The following TXLNG variants were observed in gnomAD, a reference collection of about 807,000 sequenced individuals.
The protein encoded by TXLNG is taxilin gamma.
A neutral mutation model predicts 38.8 loss-of-function variants in TXLNG; 5 were observed. The ratio of observed to expected loss-of-function variants is 0.13; its 90% confidence interval spans 0.07 to 0.27. The LOEUF is 0.27. TXLNG is among the 10% of genes least tolerant of loss of function. The pLI is 1.00. For missense variants in TXLNG, 393 were observed against 398.2 expected (o/e 0.99, Z 0.11); for synonymous variants, 182 against 158.2 (o/e 1.15, Z -1.13).
intron 1 of TXLNG, among the ~76,000 whole-genome samples, chrX:16,790,312 C>A (rs1356145680): frequency 9.0e-6 from 1 of 111,352 alleles, no homozygotes; most frequent in Non-Finnish European, 1.9e-5. Context: ...ATCCCTTGTG[C>A]TCTACCTATT....
intron 1 of TXLNG, among the ~76,000 whole-genome samples, chrX:16,804,627 G>T (rs1427043183): frequency 9.1e-6 from 1 of 109,998 alleles, no homozygotes; most frequent in African/African-American, 3.3e-5. Context: ...TGTATATTGG[G>T]CATTTTTAGT....
chrX:16,833,760 C>CTTTTG (rs1929497725), intron 6 of TXLNG, among the ~76,000 whole-genome samples: 1 of 111,681 alleles, frequency 9.0e-6, no homozygotes, highest in African/African-American at 3.3e-5. Context: ...GCCTACTATG[C>CTTTTG]AACTTTGTGA....
At chrX:16,840,720 T>A (rs1455012649) in intron 9 of TXLNG, among the ~76,000 whole-genome samples, 1 of 110,098 alleles carries the variant, frequency 9.1e-6, no homozygotes, top group African/African-American at 3.3e-5. Context: ...TGCAGTGAGC[T>A]GAGATTGCAC....
chrX:16,814,842 C>T (rs1416349166), intron 1 of TXLNG, among the ~76,000 whole-genome samples: 2 of 111,742 alleles, frequency 1.8e-5, no homozygotes, highest in Non-Finnish European at 3.8e-5. Context: ...TTTGTGAATG[C>T]AGTAAAATTA....
intron 1 of TXLNG, among the ~76,000 whole-genome samples, chrX:16,809,345 GT>G (rs56062713): frequency 9.3e-4 from 69 of 74,441 alleles, no homozygotes; most frequent in Non-Finnish European, 1.2e-3. Context: ...TCTTATAGTT[GT>G]TTTTTTTTTT....
rs770264905 is a variant in TXLNG, at chrX:16,841,527, G to C, written c.1348G>C (p.Glu450Gln). 1 of 1,212,002 alleles carries C rather than the reference G, an allele frequency of 8.3e-7. No individual in the cohort carries two copies. The highest frequency in any genetic ancestry group is 1.8e-5 in the South Asian group (1 of 57,007). Residue 450 changes from glutamate (E) to glutamine (Q), a missense_variant, in exon 10 of 10, where the codon GAG becomes CAG. Physicochemically the swap from Glu to Gln is conservative, Grantham distance 29. Transcript: ENST00000380122. The part of the protein sequence containing the change: ...ALQTERNELN[E>Q]KVEVLKEQVS... ...TCAGACAGAAAGGAATGAGCTCAAT[G>C]AGAAGGTGGAAGTCCTGAAAGAGCA...
At chrX:16,825,631 T>TA (rs764620291) in intron 3 of TXLNG, among the ~76,000 whole-genome samples, 44 of 112,321 alleles carry the variant, frequency 3.9e-4, no homozygotes, top group Non-Finnish European at 6.6e-4. Flanking sequence ...GTTTATTTTT[T>TA]AGAGACAGGT....
chrX:16,819,063 G>A (rs189624513), intron 2 of TXLNG, among the ~76,000 whole-genome samples, 186 bp downstream of exon 2: 26 of 109,859 alleles, frequency 2.4e-4, no homozygotes, highest in African/African-American at 8.6e-4. Context: ...CAGAGAGGAC[G>A]CTTAGTTTTT....
At position 16,826,199 on chromosome X, in the gene TXLNG, G is replaced by A. The variant is rs192826223; in HGVS notation, c.499-1895G>A. Among the ~76,000 whole-genome samples the A allele has an allele frequency of 1.7e-3, 185 of 111,857 alleles. 1 individual carries two copies. Among genetic ancestry groups the A allele is most frequent in the Non-Finnish European group, 1.7e-3 (89 of 53,210 alleles). On this transcript the variant is annotated intron_variant, in intron 3 of 9. Transcript: ENST00000380122. ...GGTGAAATTACAGCTAGTATGTGCC[G>A]GACCTGCAGCCTCTTAAACTGGGCA...
Position 16,841,993 on chromosome X carries a change from C to T in TXLNG, c.*227C>T. ...GCACATCAGCCTCGTTCTCCCTCCACTGGAATGCATGTGTTCATTGCCTTG... is the reference window on the plus strand; with the variant it reads ...GCACATCAGCCTCGTTCTCCCTCCATTGGAATGCATGTGTTCATTGCCTTG... On this transcript the variant is annotated 3_prime_UTR_variant, in exon 10 of 10. Transcript: ENST00000380122. The T allele has an allele frequency of 2.5e-6, 1 of 401,206 alleles. No homozygotes were observed. Among genetic ancestry groups the T allele is most frequent in the Non-Finnish European group, 4.3e-6 (1 of 232,494 alleles). The allele number at this position is 401,206 out of a possible 1,213,427, so 33.1% of individuals were successfully genotyped here. A position where few individuals can be genotyped will look rare whatever the true frequency, so the allele number is the denominator to read the frequency against.
At position 16,828,170 on chromosome X, in the gene TXLNG, T is replaced by C. The variant is rs1376959258; in HGVS notation, c.575T>C (p.Val192Ala). 2 of 1,210,786 alleles carry C rather than the reference T, an allele frequency of 1.7e-6. No individual in the cohort carries two copies. The highest frequency in any genetic ancestry group is 2.2e-6 in the Non-Finnish European group (2 of 895,008). Reference protein sequence around the residue: ...KKQAQIVKEKVHLQSEHSKAI... With the variant: ...KKQAQIVKEKAHLQSEHSKAI... ...CAAGCCCAGATTGTGAAAGAGAAAG[T>C]TCACTTGCAGAGTGAACATAGCAAG... The change falls in exon 4 of 10, where the codon GTT becomes GCT. Residue 192 changes from valine to alanine, a missense_variant. By Grantham distance (64) the Val-to-Ala change is moderately conservative. Transcript: ENST00000380122.
At chrX:16,833,848 C>T (rs536824360) in intron 6 of TXLNG, among the ~76,000 whole-genome samples, 5 of 111,877 alleles carry the variant, frequency 4.5e-5, no homozygotes, top group African/African-American at 1.6e-4. Flanking sequence ...TGCTCAGAAA[C>T]CAGGTCTCAA....
intron 8 of TXLNG, among the ~76,000 whole-genome samples, chrX:16,838,741 C>T (rs1929691967): frequency 8.9e-6 from 1 of 111,968 alleles, no homozygotes; most frequent in Non-Finnish European, 1.9e-5. Flanking sequence ...AGGCACAGTG[C>T]AGGTGATAGC....
Position 16,844,164 on chromosome X carries a change from C to CA in TXLNG, c.*2399dup, listed in dbSNP as rs1929997803. 8.9e-6 allele frequency: 1 copy of CA among 112,036 alleles called. No individual in the cohort carries two copies. The highest frequency in any genetic ancestry group is 3.7e-4 in the South Asian group (1 of 2,694). The allele number at this position is 112,036 out of a possible 1,213,427, so 9.2% of individuals were successfully genotyped here. A position where few individuals can be genotyped will look rare whatever the true frequency, so the allele number is the denominator to read the frequency against. ...TGGGTAATATGGACCATTTCATCCT[C>CA]AGACTTGTTAGGAGTACATTTCTTG... is the stretch of plus-strand genomic sequence containing the variant. On this transcript the variant is annotated 3_prime_UTR_variant, in exon 10 of 10. Transcript: ENST00000380122.
At chrX:16,808,458 T>C (rs1263845205) in intron 1 of TXLNG, among the ~76,000 whole-genome samples, 3 of 111,960 alleles carry the variant, frequency 2.7e-5, no homozygotes, top group African/African-American at 9.7e-5. Context: ...TTAAAAAACA[T>C]GTTAAAGCTC....
chrX:16,811,375 GA>G (rs1256704986), intron 1 of TXLNG, among the ~76,000 whole-genome samples: 1 of 110,259 alleles, frequency 9.1e-6, no homozygotes, highest in Admixed American at 9.7e-5. Flanking sequence ...TTTTTTTTAA[GA>G]TGGAGTTTTC....
chrX:16,821,950 T>G (rs1358210908), intron 3 of TXLNG, among the ~76,000 whole-genome samples: 1 of 103,616 alleles, frequency 9.7e-6, no homozygotes, highest in Admixed American at 1.0e-4. Flanking sequence ...GCCGAGATCG[T>G]GCCACTGCAC....
chrX:16,824,857 C>T (rs1346085207), intron 3 of TXLNG, among the ~76,000 whole-genome samples: 2 of 108,339 alleles, frequency 1.8e-5, no homozygotes, highest in African/African-American at 3.4e-5. Context: ...ACTGGGGAGG[C>T]GGAAGTTGCA....
chrX:16,804,232 T>A (rs1482950669), intron 1 of TXLNG, among the ~76,000 whole-genome samples: 1 of 111,799 alleles, frequency 8.9e-6, no homozygotes, highest in Non-Finnish European at 1.9e-5. Flanking sequence ...TTTTCCTACC[T>A]AATTATACTA....
Sources: allele counts gnomAD v4.1 joint callset (sites outside exome capture counted in the v4.1 genomes callset), GRCh38; gene constraint gnomAD v4.1.1; transcripts MANE v1.5; gene names NCBI Gene and HGNC (gene_info 2026-07-23, HGNC 2026-07-21).